Variants in EXD3 observed in about 807,000 individuals in gnomAD.
EXD3 encodes the protein exonuclease mut-7 homolog.
EXD3 carries 92 observed loss-of-function variants against 98.0 expected under a neutral mutation model. The observed-to-expected ratio is 0.94, with a 90% CI of 0.79 to 1.12. The LOEUF is 1.12. EXD3 is among the 50% of genes most tolerant of loss of function. The probability of loss-of-function intolerance (pLI) is 0.00; values close to 1 mark genes in which losing one functional copy is unlikely to be tolerated. For missense variants in EXD3, 1,222 were observed against 1,191.6 expected, an observed-to-expected ratio of 1.03 and a Z score of -0.38; for synonymous variants, 569 against 526.0, an observed-to-expected ratio of 1.08 and a Z score of -1.12.
chr9:137,415,424 C>T (rs1453724163), intron 1 of EXD3, among the ~76,000 whole-genome samples: 1 of 152,106 alleles, frequency 6.6e-6, no homozygotes, highest in Non-Finnish European at 1.5e-5. Flanking sequence ...GAATTCCTGA[C>T]CTCAGGTGAT....
At chr9:137,314,090 C>A (rs891239873) in intron 19 of EXD3, among the ~76,000 whole-genome samples, 1 of 152,138 alleles carries the variant, frequency 6.6e-6, no homozygotes, top group African/African-American at 2.4e-5. Flanking sequence ...CCCCTAGAGC[C>A]GCCCAACCGA....
chr9:137,327,471 G>C (rs574286246), intron 17 of EXD3, among the ~76,000 whole-genome samples: 27 of 152,242 alleles, frequency 1.8e-4, no homozygotes, highest in African/African-American at 6.0e-4. Flanking sequence ...TTCTGGAAAG[G>C]GGTGGTGGTG....
intron 19 of EXD3, among the ~76,000 whole-genome samples, chr9:137,320,719 C>A (rs910670290): frequency 6.6e-6 from 1 of 152,218 alleles, no homozygotes; most frequent in African/African-American, 2.4e-5. Flanking sequence ...GGCTTGGCGG[C>A]CCCTCCATGC....
In EXD3 at chr9:137,395,124, T is replaced by G. The variant is rs1394376263; in HGVS notation, c.55+179A>C. On this transcript the variant is annotated intron_variant, in intron 2 of 21. Transcript: ENST00000340951. The surrounding 1 kb of genome is among the most constrained non-coding windows in gnomAD (Gnocchi z 6.5). ...ACCCCCGAGGACAACAAGGCCACAG[T>G]GGGGCCTCCGGACTCACAAGGTCCC... is the stretch of plus-strand genomic sequence containing the variant. Among the ~76,000 whole-genome samples, 1 of 151,542 alleles carries G rather than the reference T, an allele frequency of 6.6e-6. No homozygotes were observed. The highest frequency in any genetic ancestry group is 1.5e-5 in the Non-Finnish European group (1 of 67,906).
chr9:137,315,451 C>T (rs1013588781), intron 19 of EXD3, among the ~76,000 whole-genome samples: 6 of 152,190 alleles, frequency 3.9e-5, no homozygotes, highest in Non-Finnish European at 7.4e-5. Context: ...TGGCCCCAGC[C>T]CCGGGTGTCT....
At chr9:137,374,276 A>T (rs1337537572) in intron 3 of EXD3, among the ~76,000 whole-genome samples, 1 of 152,240 alleles carries the variant, frequency 6.6e-6, no homozygotes, top group African/African-American at 2.4e-5. Flanking sequence ...TTCACAGCTC[A>T]GCGCTCGGGA....
At chr9:137,321,814 G>C (rs1832047035) in intron 19 of EXD3, among the ~76,000 whole-genome samples, 1 of 152,184 alleles carries the variant, frequency 6.6e-6, no homozygotes, top group Non-Finnish European at 1.5e-5. Context: ...ACCGGGAACT[G>C]CCGAGAGCCA....
At position 137,403,090 on chromosome 9, in the gene EXD3, G is replaced by A. The variant is rs993080984; in HGVS notation, c.-47-7686C>T. On this transcript the variant is annotated intron_variant, in intron 1 of 21. Coordinates refer to ENST00000340951, the MANE Select transcript of EXD3 (RefSeq NM_017820.5). The surrounding 1 kb of genome is among the most constrained non-coding windows in gnomAD (Gnocchi z 6.1). ...AGGACACAGCCAAAGCATATCACCC[G>A]CCACGGGAGACCCTGTGGCTCGGCT... 6.6e-5 allele frequency among the ~76,000 whole-genome samples: 10 copies of A among 152,048 alleles called. No homozygotes were observed. The highest frequency in any genetic ancestry group is 1.9e-4 in the East Asian group (1 of 5,172).
At chr9:137,313,179 G>A (rs978636324) in intron 19 of EXD3, among the ~76,000 whole-genome samples, 3 of 152,182 alleles carry the variant, frequency 2.0e-5, no homozygotes, top group Non-Finnish European at 4.4e-5. Context: ...CGAGCCCTGG[G>A]ACCTGCCAGG....
At chr9:137,387,436 G>A (rs1430213519) in intron 2 of EXD3, among the ~76,000 whole-genome samples, 5 of 152,324 alleles carry the variant, frequency 3.3e-5, no homozygotes, top group South Asian at 4.1e-4. Context: ...AGTGTCTGCC[G>A]TGCCGGGCTC....
At chr9:137,325,202 C>T (rs930425083) in intron 17 of EXD3, among the ~76,000 whole-genome samples, 1 of 152,140 alleles carries the variant, frequency 6.6e-6, no homozygotes, top group Non-Finnish European at 1.5e-5. Flanking sequence ...GGAGCCCGAG[C>T]TTTTTGGAGA....
At chr9:137,374,579 A>C in intron 3 of EXD3, 1 of 985,492 alleles carries the variant, frequency 1.0e-6, no homozygotes, top group Non-Finnish European at 1.2e-6. Context: ...ATCTCCCCAC[A>C]AACACCCAGG....
At chr9:137,379,889 C>A (rs938642864) in intron 3 of EXD3, among the ~76,000 whole-genome samples, 1 of 152,062 alleles carries the variant, frequency 6.6e-6, no homozygotes, top group Admixed American at 6.5e-5. Flanking sequence ...TGGGTCCTCC[C>A]CTCCAGGCCC....
At chr9:137,366,460 T>C (rs1835262306) in intron 7 of EXD3, 33 bp downstream of exon 7, 1 of 1,534,694 alleles carries the variant, frequency 6.5e-7, no homozygotes, top group East Asian at 2.5e-5. Flanking sequence ...GGATGCCATC[T>C]GGTGCCAGCT....
intron 2 of EXD3, among the ~76,000 whole-genome samples, chr9:137,388,309 T>C (rs1836713185): frequency 6.6e-6 from 1 of 151,782 alleles, no homozygotes; most frequent in Non-Finnish European, 1.5e-5. Flanking sequence ...CTCCACCATC[T>C]GTCCCCAGGA....
intron 20 of EXD3, among the ~76,000 whole-genome samples, chr9:137,308,417 C>A (rs1370200111): frequency 6.6e-6 from 1 of 152,146 alleles, no homozygotes; most frequent in Admixed American, 6.5e-5. Flanking sequence ...TCTTACCCTG[C>A]AGTCCCTGTC....
intron 2 of EXD3, 53 bp from the exon 3 acceptor site, chr9:137,383,430 C>T (rs1192287226): frequency 3.9e-5 from 53 of 1,358,674 alleles, no homozygotes; most frequent in South Asian, 6.8e-5. Context: ...CAGGGGCTAT[C>T]GCACAGCCCG....
At chr9:137,399,456 T>C (rs943171908) in intron 1 of EXD3, among the ~76,000 whole-genome samples, 1 of 152,208 alleles carries the variant, frequency 6.6e-6, no homozygotes, top group Non-Finnish European at 1.5e-5. Flanking sequence ...TTTTGGGAGA[T>C]TTCCTGAACT....
chr9:137,316,984 A>T (rs1192400789), intron 19 of EXD3, among the ~76,000 whole-genome samples: 3 of 152,016 alleles, frequency 2.0e-5, no homozygotes. Flanking sequence ...TCCTCTCCCC[A>T]CTTCAGCAAA....
Sources: allele counts gnomAD v4.1 joint callset (sites outside exome capture counted in the v4.1 genomes callset), GRCh38; gene constraint gnomAD v4.1.1; non-coding constraint Gnocchi (gnomAD v3.1); transcripts MANE v1.5; gene names NCBI Gene and HGNC (gene_info 2026-07-23, HGNC 2026-07-21).